Variants in HMBOX1 observed in about 807,000 individuals in gnomAD.
The protein encoded by HMBOX1 is homeobox containing 1, also known as homeobox-containing protein 1.
In HMBOX1, 14 loss-of-function variants were observed where a neutral mutation model predicts 54.5. The observed-to-expected ratio is 0.26, with a 90% confidence interval of 0.17 to 0.40. The LOEUF (loss-of-function observed/expected upper bound fraction) is 0.40. Ranked by LOEUF, HMBOX1 falls within the 10% of genes least tolerant of loss-of-function variation. The pLI is 1.00. For missense variants in HMBOX1, 332 were observed against 514.4 expected, an observed-to-expected ratio of 0.65 and a Z score of 3.43; for synonymous variants, 160 against 181.0, an observed-to-expected ratio of 0.88 and a Z score of 0.93.
rs144700575 is a variant in HMBOX1 at position 28,905,024 on chromosome 8, G to A, written c.-58+14346G>A. On this transcript the variant is annotated intron_variant, in intron 1 of 9. Transcript: ENST00000287701. ...TTAGATAGTATAATCAAATTCCACA[G>A]TTGCAAGAACACCTTGTCTAAACAG... 7.2e-5 allele frequency among the ~76,000 whole-genome samples: 11 copies of A among 152,286 alleles called. No individual in the cohort carries two copies. The East Asian group carries it at 1.9e-3, about 27-fold the overall frequency.
intron 5 of HMBOX1, among the ~76,000 whole-genome samples, chr8:29,011,292 G>A (rs1045442602): frequency 2.6e-5 from 4 of 152,216 alleles, no homozygotes; most frequent in African/African-American, 9.6e-5. Flanking sequence ...AGGCCTGTCA[G>A]CATTAGGAGG....
chr8:28,900,648 GT>G, intron 1 of HMBOX1, among the ~76,000 whole-genome samples: 1 of 152,126 alleles, frequency 6.6e-6, no homozygotes, highest in East Asian at 1.9e-4. Context: ...TAAACATCTA[GT>G]TTTTATGGTT....
chr8:28,950,009 T>C (rs1429307710), intron 1 of HMBOX1: 1 of 152,222 alleles, frequency 6.6e-6, no homozygotes, highest in Non-Finnish European at 1.5e-5. Context: ...CAATATCATA[T>C]ATGAATTCCT....
At chr8:28,945,207 GCTT>G (rs1822208187) in intron 1 of HMBOX1, among the ~76,000 whole-genome samples, 1 of 152,214 alleles carries the variant, frequency 6.6e-6, no homozygotes, top group Admixed American at 6.5e-5. Flanking sequence ...TACTTTAGGA[GCTT>G]CTTCTACTGT....
At chr8:28,894,474 C>T (rs1811676547) in intron 1 of HMBOX1, among the ~76,000 whole-genome samples, 2 of 152,232 alleles carry the variant, frequency 1.3e-5, no homozygotes, top group South Asian at 4.1e-4. Flanking sequence ...CATTCCAAAC[C>T]ATTATTTTCA....
At chr8:28,985,871 C>T (rs954947293) in intron 4 of HMBOX1, among the ~76,000 whole-genome samples, 4 of 151,140 alleles carry the variant, frequency 2.6e-5, no homozygotes, top group Non-Finnish European at 5.9e-5. Context: ...ACACCCCACT[C>T]TCCCACTATC....
intron 1 of HMBOX1, among the ~76,000 whole-genome samples, chr8:28,904,879 G>C (rs1813973514): frequency 6.6e-6 from 1 of 151,968 alleles, no homozygotes. Flanking sequence ...GTTTCATCGT[G>C]TTAGCCACGA....
At chr8:28,892,890 A>C (rs982106196) in intron 1 of HMBOX1, among the ~76,000 whole-genome samples, 1 of 152,180 alleles carries the variant, frequency 6.6e-6, no homozygotes, top group African/African-American at 2.4e-5. Context: ...AAAACCAGAG[A>C]AAAATCCTAC....
At chr8:29,027,004 A>G (rs761802843) in intron 6 of HMBOX1, among the ~76,000 whole-genome samples, 9 of 152,196 alleles carry the variant, frequency 5.9e-5, no homozygotes, top group Admixed American at 4.6e-4. Flanking sequence ...TAAAATTTTT[A>G]TAATTAAAAA....
intron 9 of HMBOX1, chr8:29,049,454 C>A (rs1225488436): frequency 1.6e-5 from 24 of 1,495,692 alleles, no homozygotes; most frequent in Non-Finnish European, 2.0e-5. Flanking sequence ...GGCAGCTGGA[C>A]CCCATGCCTA....
chr8:29,020,665 C>T (rs188173841), intron 6 of HMBOX1, among the ~76,000 whole-genome samples: 58 of 152,176 alleles, frequency 3.8e-4, no homozygotes, highest in Non-Finnish European at 6.6e-4. Context: ...CCAATAGTTG[C>T]AAAAGCACAG....
At chr8:28,995,812 G>A (rs1831725299) in intron 4 of HMBOX1, among the ~76,000 whole-genome samples, 1 of 152,168 alleles carries the variant, frequency 6.6e-6, no homozygotes, top group East Asian at 1.9e-4. Context: ...TTTAAAAATT[G>A]GGTTATTTGG....
chr8:28,925,200 G>C (rs60246471), intron 1 of HMBOX1, among the ~76,000 whole-genome samples: 1 of 152,158 alleles, frequency 6.6e-6, no homozygotes, highest in Non-Finnish European at 1.5e-5. Flanking sequence ...GGTTTTAGTA[G>C]AACACAGGCG....
chr8:28,950,374 T>G (rs1370278461), intron 1 of HMBOX1, among the ~76,000 whole-genome samples: 1 of 152,218 alleles, frequency 6.6e-6, no homozygotes, highest in African/African-American at 2.4e-5. Context: ...TAAACTGACA[T>G]GGAGAGAAAG....
intron 6 of HMBOX1, among the ~76,000 whole-genome samples, chr8:29,040,724 C>A (rs1804688805): frequency 2.0e-5 from 3 of 152,072 alleles, no homozygotes; most frequent in Admixed American, 2.0e-4. Flanking sequence ...AGATTTAAAA[C>A]CATATTGAAT....
intron 6 of HMBOX1, among the ~76,000 whole-genome samples, chr8:29,041,787 G>A (rs753079864): frequency 2.0e-5 from 3 of 152,076 alleles, no homozygotes; most frequent in Admixed American, 6.5e-5. Context: ...ATGCATATAT[G>A]GGAGTAGCAG....
intron 8 of HMBOX1, among the ~76,000 whole-genome samples, chr8:29,048,149 A>G (rs553900888): frequency 4.6e-5 from 7 of 152,334 alleles, no homozygotes; most frequent in Admixed American, 2.6e-4. Context: ...ATTAGGAAAC[A>G]ATTGATTAAT....
intron 1 of HMBOX1, chr8:28,891,123 A>C: frequency 6.5e-6 from 1 of 152,794 alleles, no homozygotes; most frequent in East Asian, 1.9e-4. Flanking sequence ...GAAGTTAGAC[A>C]GCGCGAGTCC....
chr8:28,930,958 A>G (rs1287174366), intron 1 of HMBOX1, among the ~76,000 whole-genome samples: 1 of 152,164 alleles, frequency 6.6e-6, no homozygotes, highest in East Asian at 1.9e-4. Flanking sequence ...TCTGAATATA[A>G]ATGATTGGTA....
Sources: gnomAD v4.1 joint callset for allele counts (sites outside exome capture counted in the v4.1 genomes callset) on GRCh38, gnomAD v4.1.1 for gene constraint, MANE v1.5 for transcripts, NCBI Gene and HGNC (gene_info 2026-07-23, HGNC 2026-07-21) for gene names.